GALNT17: variants seen among roughly 807,000 people sequenced by gnomAD.
GALNT17 encodes the protein polypeptide N-acetylgalactosaminyltransferase 17.
A neutral mutation model predicts 63.7 loss-of-function variants in GALNT17; 29 were observed. The ratio of observed to expected loss-of-function variants is 0.46; its 90% CI spans 0.34 to 0.62. GALNT17 has a LOEUF of 0.62. Ranked by LOEUF, GALNT17 falls within the 20% of genes least tolerant of loss-of-function variation. The probability of loss-of-function intolerance (pLI) is 0.01; values close to 1 mark genes in which losing one functional copy is unlikely to be tolerated. For synonymous variants in GALNT17, 305 were observed against 318.3 expected, an observed-to-expected ratio of 0.96 and a Z score of 0.45; for missense variants, 603 against 799.6, an observed-to-expected ratio of 0.75 and a Z score of 2.97.
At chr7:71,287,335 C>G (rs560458169) in intron 1 of GALNT17, among the ~76,000 whole-genome samples, 3 of 152,160 alleles carry the variant, frequency 2.0e-5, no homozygotes, top group African/African-American at 7.2e-5. Flanking sequence ...AACAATTCTC[C>G]TGCCTTTACC....
chr7:71,695,406 C>G (rs1411619480), intron 9 of GALNT17, among the ~76,000 whole-genome samples: 4 of 152,170 alleles, frequency 2.6e-5, no homozygotes, highest in Admixed American at 6.5e-5. Flanking sequence ...AAGGGAGAAG[C>G]CAGCAGAGGA....
chr7:71,452,537 C>T (rs1292576856), intron 5 of GALNT17, among the ~76,000 whole-genome samples: 1 of 152,124 alleles, frequency 6.6e-6, no homozygotes, highest in Non-Finnish European at 1.5e-5. Flanking sequence ...CAGAGAGAGA[C>T]TCCGTCTCAA....
chr7:71,155,137 T>C (rs1437537559), intron 1 of GALNT17, among the ~76,000 whole-genome samples: 1 of 151,858 alleles, frequency 6.6e-6, no homozygotes, highest in Non-Finnish European at 1.5e-5. Flanking sequence ...TGTTGTGTAA[T>C]GGCTCCCTCC....
intron 5 of GALNT17, among the ~76,000 whole-genome samples, chr7:71,471,404 A>AC (rs1563117563): frequency 6.7e-6 from 1 of 149,432 alleles, no homozygotes. Context: ...TTTTCCAAAA[A>AC]AAAAAAAAAA....
At chr7:71,350,430 A>G (rs1013688942) in intron 2 of GALNT17, among the ~76,000 whole-genome samples, 2 of 152,202 alleles carry the variant, frequency 1.3e-5, no homozygotes, top group African/African-American at 4.8e-5. Flanking sequence ...AGGTGCTAAC[A>G]TACATCTGAC....
chr7:71,510,336 A>C (rs1403731933), intron 5 of GALNT17, among the ~76,000 whole-genome samples: 1 of 152,184 alleles, frequency 6.6e-6, no homozygotes, highest in East Asian at 1.9e-4. Flanking sequence ...TCATTACCTC[A>C]GAAAGAGACC....
At chr7:71,628,716 A>AAGT (rs1400316495) in intron 6 of GALNT17, among the ~76,000 whole-genome samples, 1 of 149,636 alleles carries the variant, frequency 6.7e-6, no homozygotes, top group Non-Finnish European at 1.5e-5. Flanking sequence ...GAATCACTTG[A>AAGT]GGTCAGGAGT....
At chr7:71,256,902 A>G (rs1273589193) in intron 1 of GALNT17, among the ~76,000 whole-genome samples, 1 of 152,098 alleles carries the variant, frequency 6.6e-6, no homozygotes, top group Non-Finnish European at 1.5e-5. Context: ...CTGTGCTGAG[A>G]GGTATAGATT....
At chr7:71,432,174 C>CA (rs879795902) in intron 5 of GALNT17, among the ~76,000 whole-genome samples, 117 of 143,428 alleles carry the variant, frequency 8.2e-4, no homozygotes, top group African/African-American at 2.3e-3. Context: ...GACTCCGTCT[C>CA]AAAAAAAAAA....
chr7:71,370,934 C>G (rs963485), intron 2 of GALNT17, among the ~76,000 whole-genome samples: 14,360 of 152,190 alleles, frequency 0.094, 942 homozygotes, highest in East Asian at 0.29. Context: ...ACAAGCATAT[C>G]GTGGGATTGC....
chr7:71,175,225 A>G (rs112292311), intron 1 of GALNT17, among the ~76,000 whole-genome samples: 2 of 150,302 alleles, frequency 1.3e-5, no homozygotes, highest in Admixed American at 1.3e-4. Flanking sequence ...TCCCTCCATC[A>G]CTGTCTGTCC....
intron 1 of GALNT17, among the ~76,000 whole-genome samples, chr7:71,187,999 C>T (rs1286703375): frequency 1.3e-5 from 2 of 152,188 alleles, no homozygotes; most frequent in Non-Finnish European, 2.9e-5. Flanking sequence ...TCCTGAGTTA[C>T]TTCACTTAGA....
chr7:71,389,607 G>T (rs1300416446), intron 3 of GALNT17, among the ~76,000 whole-genome samples: 1 of 152,116 alleles, frequency 6.6e-6, no homozygotes, highest in African/African-American at 2.4e-5. Flanking sequence ...AAGAATCATT[G>T]ACTGGCCATG....
chr7:71,502,756 G>A (rs957220269), intron 5 of GALNT17, among the ~76,000 whole-genome samples: 5 of 152,136 alleles, frequency 3.3e-5, no homozygotes, highest in Non-Finnish European at 7.4e-5. Context: ...GTAGAACAGA[G>A]ACAACCATCC....
chr7:71,326,774 G>C (rs12668780), intron 1 of GALNT17, among the ~76,000 whole-genome samples: 2 of 151,920 alleles, frequency 1.3e-5, no homozygotes, highest in East Asian at 1.9e-4. Context: ...GCTGTATCTC[G>C]TGACTCATTT....
chr7:71,419,788 A>G (rs1786626590), intron 4 of GALNT17, among the ~76,000 whole-genome samples: 1 of 152,230 alleles, frequency 6.6e-6, no homozygotes, highest in Non-Finnish European at 1.5e-5. Flanking sequence ...GGCCAGGGCC[A>G]TGGTCCTAAG....
intron 1 of GALNT17, among the ~76,000 whole-genome samples, chr7:71,194,203 G>A (rs1251905363): frequency 7.9e-5 from 12 of 152,028 alleles, no homozygotes; most frequent in Admixed American, 7.9e-4. Flanking sequence ...ACACCATCAT[G>A]CACCACCATA....
chr7:71,586,040 T>C (rs960244588), intron 6 of GALNT17, among the ~76,000 whole-genome samples: 1 of 152,008 alleles, frequency 6.6e-6, no homozygotes, highest in Non-Finnish European at 1.5e-5. Context: ...ACCAAGTAGC[T>C]GGGACTACAG....
intron 1 of GALNT17, among the ~76,000 whole-genome samples, chr7:71,203,077 T>C (rs1789205890): frequency 6.6e-6 from 1 of 152,176 alleles, no homozygotes; most frequent in Admixed American, 6.5e-5. Context: ...ATTCTGTGTC[T>C]TGGCTATTGT....
Sources: gnomAD v4.1 joint callset for allele counts (sites outside exome capture counted in the v4.1 genomes callset) on GRCh38, gnomAD v4.1.1 for gene constraint, MANE v1.5 for transcripts, NCBI Gene and HGNC (gene_info 2026-07-23, HGNC 2026-07-21) for gene names.